Variants in CALD1 observed in about 807,000 individuals in gnomAD.
CALD1 encodes the protein caldesmon.
A neutral mutation model predicts 99.9 loss-of-function variants in CALD1; 33 were observed. The ratio of observed to expected loss-of-function variants is 0.33; its 90% CI spans 0.25 to 0.44. CALD1 has a LOEUF of 0.44. CALD1 is among the 20% of genes least tolerant of loss of function. The pLI is 1.00. For missense variants in CALD1, 861 were observed against 962.1 expected (o/e 0.89, Z 1.39); for synonymous variants, 310 against 325.0 (o/e 0.95, Z 0.50).
intron 8 of CALD1, 102 bp from the exon 9 acceptor site, chr7:134,950,272 T>G: frequency 8.6e-7 from 1 of 1,158,316 alleles, no homozygotes; most frequent in Non-Finnish European, 1.2e-6. Context: ...GCCTGCGGCC[T>G]GAGTCTGCTG....
chr7:134,767,191 G>C (rs1018335756), intron 1 of CALD1, among the ~76,000 whole-genome samples: 3 of 124,284 alleles, frequency 2.4e-5, no homozygotes, highest in Non-Finnish European at 3.6e-5. Context: ...CTCTCTCTCT[G>C]TCTCTGTGTG....
intron 3 of CALD1, among the ~76,000 whole-genome samples, chr7:134,891,173 C>A (rs1484630823): frequency 5.9e-5 from 9 of 152,154 alleles, no homozygotes. Context: ...GCATCAGTGT[C>A]TTTTTCCTTT....
At chr7:134,815,638 G>A (rs1798531242) in intron 1 of CALD1, among the ~76,000 whole-genome samples, 1 of 152,132 alleles carries the variant, frequency 6.6e-6, no homozygotes, top group African/African-American at 2.4e-5. Context: ...GGAATGTTTA[G>A]CTGAGCCTAT....
the CALD1 span, among the ~76,000 whole-genome samples, chr7:134,719,567 C>T: frequency 1.3e-5 from 2 of 152,166 alleles, no homozygotes; most frequent in Non-Finnish European, 2.9e-5. Context: ...AGGCAGAGAA[C>T]AGCGTCCAGG....
At chr7:134,721,794 G>A in the CALD1 span, among the ~76,000 whole-genome samples, 18 of 152,190 alleles carry the variant, frequency 1.2e-4, no homozygotes, top group South Asian at 3.5e-3. Context: ...TCAACATATG[G>A]TAACCACAAT....
chr7:134,954,858 A>T (rs1040672582), intron 9 of CALD1, among the ~76,000 whole-genome samples: 2 of 152,222 alleles, frequency 1.3e-5, no homozygotes, highest in Admixed American at 1.3e-4. Flanking sequence ...TTTCCTGGCT[A>T]AGCCATGCAC....
intron 8 of CALD1, among the ~76,000 whole-genome samples, chr7:134,949,654 T>C (rs182611835): frequency 5.1e-4 from 78 of 152,294 alleles, no homozygotes; most frequent in African/African-American, 1.8e-3. Context: ...AAGTTATTCA[T>C]TTGTCTTCAC....
chr7:134,960,401 G>A (rs1808172416), intron 12 of CALD1, 132 bp from the exon 13 acceptor site: 2 of 685,984 alleles, frequency 2.9e-6, no homozygotes, highest in African/African-American at 1.8e-5. Flanking sequence ...AACATATTCT[G>A]TAAATATCAA....
intron 3 of CALD1, among the ~76,000 whole-genome samples, chr7:134,898,530 T>A (rs1802742499): frequency 6.6e-6 from 1 of 152,130 alleles, no homozygotes; most frequent in South Asian, 2.1e-4. Context: ...AGCCAAGTTA[T>A]CCTGGTCCCT....
chr7:134,722,700 G>T, the CALD1 span, among the ~76,000 whole-genome samples: 1 of 152,266 alleles, frequency 6.6e-6, no homozygotes, highest in African/African-American at 2.4e-5. Flanking sequence ...GATTACAGGT[G>T]TGAACCACCG....
At position 134,921,520 on chromosome 7, in the gene CALD1, C is replaced by T. The variant is rs138872726; in HGVS notation, c.72-7234C>T. ...CAAAGCATGGGAATGTAAATTAAAACAACTGCTGTGGTCCGGCATGGTGGT... is the reference window on the plus strand; with the variant it reads ...CAAAGCATGGGAATGTAAATTAAAATAACTGCTGTGGTCCGGCATGGTGGT... On this transcript the variant is annotated intron_variant, in intron 3 of 14. Transcript: ENST00000361675. Among the ~76,000 whole-genome samples the T allele has an allele frequency of 3.9e-3, 587 of 152,228 alleles. 1 individual carries two copies. Among genetic ancestry groups the T allele is most frequent in the Admixed American group, 6.8e-3 (104 of 15,280 alleles).
Position 134,968,973 on chromosome 7 carries a change from G to A in CALD1, c.*628G>A, listed in dbSNP as rs763778955. ...GTGGTACTGATTTTTTAGGTTGGTTGTTTTGTGGATTTCTTTAGTAGTGAT... is the reference window on the plus strand; with the variant it reads ...GTGGTACTGATTTTTTAGGTTGGTTATTTTGTGGATTTCTTTAGTAGTGAT... On this transcript the variant is annotated 3_prime_UTR_variant, in exon 15 of 15. Transcript: ENST00000361675. 5.2e-4 allele frequency: 91 copies of A among 173,904 alleles called. No individual in the cohort carries two copies. Among genetic ancestry groups the A allele is most frequent in the Non-Finnish European group, 4.6e-4 (36 of 78,924 alleles). The allele number at this position is 173,904 out of a possible 1,614,324, so 10.8% of individuals were successfully genotyped here.
chr7:134,877,768 A>G (rs151309592), intron 3 of CALD1, among the ~76,000 whole-genome samples: 1 of 152,294 alleles, frequency 6.6e-6, no homozygotes, highest in Non-Finnish European at 1.5e-5. Flanking sequence ...TGCATAATCT[A>G]TGGTTTCATT....
intron 4 of CALD1, among the ~76,000 whole-genome samples, chr7:134,931,370 T>C (rs149822697): frequency 1.3e-5 from 2 of 152,330 alleles, no homozygotes; most frequent in African/African-American, 4.8e-5. Context: ...AAATGGCCCC[T>C]CTATAGACTT....
intron 3 of CALD1, among the ~76,000 whole-genome samples, chr7:134,879,345 C>T (rs762790640): frequency 3.3e-5 from 5 of 152,228 alleles, no homozygotes; most frequent in Non-Finnish European, 5.9e-5. Flanking sequence ...GTTCTTTCCA[C>T]TAGTTTGCTA....
At chr7:134,889,109 C>A (rs1448275786) in intron 3 of CALD1, among the ~76,000 whole-genome samples, 2 of 152,168 alleles carry the variant, frequency 1.3e-5, no homozygotes, top group Non-Finnish European at 2.9e-5. Context: ...CGCATGGCTG[C>A]GACAAATAAC....
At chr7:134,814,432 G>A (rs1004618929) in intron 1 of CALD1, among the ~76,000 whole-genome samples, 8 of 152,194 alleles carry the variant, frequency 5.3e-5, no homozygotes, top group Non-Finnish European at 1.0e-4. Flanking sequence ...CTTGCAGAAT[G>A]TAAGGCATCA....
At chr7:134,743,653 T>C (rs980075606), upstream of CALD1, among the ~76,000 whole-genome samples, 4 of 152,374 alleles carry the variant, frequency 2.6e-5, no homozygotes, top group Middle Eastern at 3.4e-3. Context: ...TGCTGGATAC[T>C]ATTAGCTTGG....
At chr7:134,829,255 C>A (rs1799127430) in intron 1 of CALD1, among the ~76,000 whole-genome samples, 2 of 152,180 alleles carry the variant, frequency 1.3e-5, no homozygotes, top group South Asian at 2.1e-4. Flanking sequence ...CAGAGACTTA[C>A]AACAGAGAAT....
Sources: allele counts gnomAD v4.1 joint callset (sites outside exome capture counted in the v4.1 genomes callset), GRCh38; gene constraint gnomAD v4.1.1; transcripts MANE v1.5; gene names NCBI Gene and HGNC (gene_info 2026-07-23, HGNC 2026-07-21).